GALNT13: variants seen among roughly 807,000 people sequenced by gnomAD.
The protein encoded by GALNT13 is UDP-GalNAc:polypeptide N-acetylgalactosaminyltransferase 13.
A neutral mutation model predicts 64.2 loss-of-function variants in GALNT13; 28 were observed. That is an observed-to-expected ratio of 0.44 (90% CI 0.32 to 0.60). The LOEUF is 0.60. Ranked by LOEUF, GALNT13 falls within the 20% of genes least tolerant of loss-of-function variation. GALNT13 has a pLI of 0.05. For missense variants in GALNT13, 577 were observed against 669.8 expected, an observed-to-expected ratio of 0.86 and a Z score of 1.53; for synonymous variants, 214 against 224.6, an observed-to-expected ratio of 0.95 and a Z score of 0.42.
At chr2:153,925,550 G>T (rs1341354415) in intron 2 of GALNT13, among the ~76,000 whole-genome samples, 1 of 99,688 alleles carries the variant, frequency 1.0e-5, no homozygotes, top group Non-Finnish European at 2.2e-5. Flanking sequence ...GCTCTTTTTT[G>T]GTTCCATATG....
At chr2:153,400,415 G>C in the GALNT13 span, among the ~76,000 whole-genome samples, 1 of 152,116 alleles carries the variant, frequency 6.6e-6, no homozygotes, top group Non-Finnish European at 1.5e-5. Flanking sequence ...GCCTGGCTTT[G>C]GTATCAGAAT....
At chr2:153,254,530 T>G in the GALNT13 span, among the ~76,000 whole-genome samples, 1 of 152,198 alleles carries the variant, frequency 6.6e-6, no homozygotes, top group Admixed American at 6.5e-5. Flanking sequence ...ATGTTTGCCC[T>G]TGCTTTTCTA....
intron 9 of GALNT13, among the ~76,000 whole-genome samples, chr2:154,393,295 C>A (rs2105356173): frequency 6.6e-6 from 1 of 152,294 alleles, no homozygotes; most frequent in East Asian, 1.9e-4. Flanking sequence ...GCTGCACCCA[C>A]TGGGATACAA....
chr2:154,086,953 A>C (rs1377262728), intron 3 of GALNT13, among the ~76,000 whole-genome samples: 1 of 151,240 alleles, frequency 6.6e-6, no homozygotes, highest in African/African-American at 2.4e-5. Flanking sequence ...TGTTGCCATC[A>C]TTTTTTTTTA....
the GALNT13 span, among the ~76,000 whole-genome samples, chr2:153,831,044 T>A: frequency 6.6e-6 from 1 of 152,208 alleles, no homozygotes; most frequent in Non-Finnish European, 1.5e-5. Context: ...ATTTTACAAT[T>A]TAAAGACATG....
intron 1 of GALNT13, among the ~76,000 whole-genome samples, chr2:153,889,760 A>G (rs1345610439): frequency 1.3e-5 from 2 of 151,102 alleles, no homozygotes; most frequent in Non-Finnish European, 3.0e-5. Context: ...TAATCAATTA[A>G]TAAATGTAGC....
chr2:154,019,649 CACACAAAA>C (rs1558911611), intron 3 of GALNT13, among the ~76,000 whole-genome samples: 1 of 127,672 alleles, frequency 7.8e-6, no homozygotes, highest in African/African-American at 2.8e-5. Context: ...CACACACACA[CACACAAAA>C]GCAAGAAAAA....
the GALNT13 span, among the ~76,000 whole-genome samples, chr2:153,760,941 A>G: frequency 1.3e-5 from 2 of 152,088 alleles, no homozygotes; most frequent in African/African-American, 4.8e-5. Flanking sequence ...TACACTTGTT[A>G]TATCTTCCTG....
the GALNT13 span, among the ~76,000 whole-genome samples, chr2:153,441,311 C>G: frequency 6.6e-6 from 1 of 152,180 alleles, no homozygotes; most frequent in African/African-American, 2.4e-5. Context: ...GTCTATATAT[C>G]TGTTTTGGTA....
chr2:154,170,720 G>A (rs1685300772), intron 4 of GALNT13, among the ~76,000 whole-genome samples: 2 of 152,118 alleles, frequency 1.3e-5, no homozygotes, highest in Admixed American at 6.6e-5. Flanking sequence ...AAATATACAT[G>A]CTAAGTTATT....
chr2:153,114,406 T>C, the GALNT13 span, among the ~76,000 whole-genome samples: 1 of 152,166 alleles, frequency 6.6e-6, no homozygotes, highest in South Asian at 2.1e-4. Flanking sequence ...CAGTCAATTC[T>C]ATTTGTTGTC....
chr2:153,264,316 G>A, the GALNT13 span, among the ~76,000 whole-genome samples: 2 of 152,198 alleles, frequency 1.3e-5, no homozygotes, highest in African/African-American at 4.8e-5. Flanking sequence ...TGGAGAAATA[G>A]GAATGCTTTT....
At chr2:154,074,621 A>G (rs1700895399) in intron 3 of GALNT13, among the ~76,000 whole-genome samples, 1 of 151,910 alleles carries the variant, frequency 6.6e-6, no homozygotes, top group Admixed American at 6.6e-5. Context: ...AAAATCTGGT[A>G]GAGATACAAC....
the GALNT13 span, among the ~76,000 whole-genome samples, chr2:153,199,241 G>C: frequency 0.16 from 23,921 of 152,244 alleles, 2,017 homozygotes; most frequent in Non-Finnish European, 0.18. Context: ...CAAAATGGAG[G>C]CAACATTCTG....
intron 11 of GALNT13, among the ~76,000 whole-genome samples, chr2:154,422,911 A>AT (rs1168358556): frequency 6.6e-6 from 1 of 151,762 alleles, no homozygotes; most frequent in African/African-American, 2.4e-5. Context: ...AGGTGGACTT[A>AT]TTTTTTTTAT....
chr2:153,144,057 G>A, the GALNT13 span, among the ~76,000 whole-genome samples: 1 of 151,880 alleles, frequency 6.6e-6, no homozygotes, highest in Admixed American at 6.6e-5. Context: ...TAGCTCTCAT[G>A]GGTCATTGGA....
At chr2:153,667,100 A>T in the GALNT13 span, among the ~76,000 whole-genome samples, 3 of 152,180 alleles carry the variant, frequency 2.0e-5, no homozygotes, top group Non-Finnish European at 4.4e-5. Flanking sequence ...AAAAGAATAA[A>T]AAAGAATGAA....
the GALNT13 span, among the ~76,000 whole-genome samples, chr2:153,594,271 A>G: frequency 2.6e-5 from 4 of 152,146 alleles, no homozygotes; most frequent in East Asian, 5.8e-4. Context: ...AAACTGTTCT[A>G]ATAAAGGTTA....
At chr2:153,236,385 G>A in the GALNT13 span, among the ~76,000 whole-genome samples, 1 of 152,212 alleles carries the variant, frequency 6.6e-6, no homozygotes, top group Non-Finnish European at 1.5e-5. Flanking sequence ...AGGCCATCTA[G>A]GACTTTCATA....
Sources: allele counts gnomAD v4.1 joint callset (sites outside exome capture counted in the v4.1 genomes callset), GRCh38; gene constraint gnomAD v4.1.1; transcripts MANE v1.5; gene names NCBI Gene and HGNC (gene_info 2026-07-23, HGNC 2026-07-21).